The following USO1 variants were observed in gnomAD, a reference collection of about 807,000 sequenced individuals.
USO1 encodes the protein general vesicular transport factor p115.
In USO1, 57 loss-of-function variants were observed where a neutral mutation model predicts 124.5. That is an observed-to-expected ratio of 0.46 (90% CI 0.37 to 0.57). The LOEUF (loss-of-function observed/expected upper bound fraction) is 0.57, where lower values mean the gene tolerates loss of function less well. Ranked by LOEUF, USO1 falls within the 20% of genes least tolerant of loss-of-function variation. The pLI is 0.00. For synonymous variants in USO1, 369 were observed against 362.8 expected (o/e 1.02, Z -0.19); for missense variants, 900 against 1,040.6 (o/e 0.86, Z 1.86).
rs1722956261 is a variant in USO1, at chr4:75,805,138, AG to A, written c.2126del. 6.4e-7 allele frequency: 1 copy of A among 1,569,136 alleles called. No individual in the cohort carries two copies. On this transcript the variant is annotated splice_acceptor_variant, in intron 18 of 23. Coordinates refer to ENST00000514213, the MANE Select transcript of USO1 (RefSeq NM_003715.4). LOFTEE classifies it high-confidence loss of function. ...TTTTAAAATGTTATGTCTGTCTAAC[AG>A]GAAAAGACAATCAGCATCAAGGTTC...
chr4:75,762,738 C>T (rs1721654002), intron 4 of USO1, among the ~76,000 whole-genome samples: 1 of 151,860 alleles, frequency 6.6e-6, no homozygotes, highest in Admixed American at 6.6e-5. Context: ...ACCATCCTGG[C>T]TAACATGGTG....
intron 1 of USO1, among the ~76,000 whole-genome samples, chr4:75,729,705 A>G (rs1720574866): frequency 1.3e-5 from 2 of 152,146 alleles, no homozygotes; most frequent in Admixed American, 6.5e-5. Flanking sequence ...ACTACATTTG[A>G]TGATGAATCA....
Position 75,780,058 on chromosome 4 carries a change from G to A in USO1, c.677-2622G>A, listed in dbSNP as rs115561550. On this transcript the variant is annotated intron_variant, in intron 8 of 23. Transcript: ENST00000514213. ...CTACTCTGTCTGCCCTCTATAAATG[G>A]ACAACAAAGCCTGGAAGACAGCACA... Among the ~76,000 whole-genome samples the A allele has an allele frequency of 1.4e-3, 211 of 152,126 alleles. 1 individual carries two copies. The highest frequency in any genetic ancestry group is 4.9e-3 in the African/African-American group (205 of 41,510).
chr4:75,763,676 A>G (rs1253754386), intron 4 of USO1, among the ~76,000 whole-genome samples: 1 of 151,810 alleles, frequency 6.6e-6, no homozygotes. Flanking sequence ...TATTTTTTTC[A>G]TTTACCTTAC....
chr4:75,809,015 A>G lies in USO1; in HGVS notation c.2439A>G (p.Thr813=), dbSNP rs765470935. The G allele has an allele frequency of 4.2e-5, 68 of 1,604,498 alleles. No individual in the cohort carries two copies. The highest frequency in any genetic ancestry group is 1.4e-4 in the Admixed American group (8 of 58,618). The change falls in exon 21 of 24, where the codon ACA becomes ACG. Residue 813 remains threonine (T), a synonymous_variant. Coordinates refer to ENST00000514213, the MANE Select transcript of USO1 (RefSeq NM_003715.4). ...SQSVEITKLQ[T]EKQELLQKTE... is the part of the protein sequence containing the mutation. ...CTGTGGAGATCACCAAACTACAGAC[A>G]GAAAAGCAGGAACTGTTACAGAAAA...
chr4:75,811,592 T>C (rs1384465746), intron 22 of USO1, among the ~76,000 whole-genome samples: 1 of 152,234 alleles, frequency 6.6e-6, no homozygotes, highest in Non-Finnish European at 1.5e-5. Context: ...CAGCATATTA[T>C]TGTGTGACAG....
chr4:75,734,167 A>G (rs564504012), intron 1 of USO1, among the ~76,000 whole-genome samples: 6 of 152,140 alleles, frequency 3.9e-5, no homozygotes, highest in African/African-American at 1.4e-4. Flanking sequence ...GATGGTCTCG[A>G]TCTCCTGACC....
intron 22 of USO1, among the ~76,000 whole-genome samples, chr4:75,810,823 C>T (rs1167160592): frequency 6.6e-6 from 1 of 152,050 alleles, no homozygotes; most frequent in Admixed American, 6.6e-5. Context: ...CTCTGCCTCC[C>T]AGGTTCAAGC....
chr4:75,794,745 A>G (rs1196778891), intron 13 of USO1, among the ~76,000 whole-genome samples: 2 of 152,136 alleles, frequency 1.3e-5, no homozygotes, highest in African/African-American at 4.8e-5. Context: ...CACTCGTTGA[A>G]TTTTTCCTTA....
intron 21 of USO1, 104 bp from the exon 22 acceptor site, chr4:75,810,328 T>G (rs1723109490): frequency 7.9e-7 from 1 of 1,268,608 alleles, no homozygotes; most frequent in Admixed American, 3.1e-5. Context: ...TTTCTGTTAG[T>G]GAAAGTAAAA....
chr4:75,800,007 G>A (rs1347442232), intron 14 of USO1, among the ~76,000 whole-genome samples: 7 of 151,312 alleles, frequency 4.6e-5, no homozygotes, highest in East Asian at 3.9e-4. Flanking sequence ...GTAGTGGCGC[G>A]ATCTCGGCTC....
rs969806323 is a variant in USO1 at position 75,790,381 on chromosome 4, A to G, written c.1085+143A>G. 3.4e-5 allele frequency: 42 copies of G among 1,244,206 alleles called. No homozygotes were observed. The African/African-American group carries it at 5.0e-4, about 15-fold the overall frequency. The allele number at this position is 1,244,206 out of a possible 1,614,324, so 77.1% of individuals were successfully genotyped here. ...GAAATTATCTGACAAGATAAATGAT[A>G]TTGATATTTTAAAAGAGTTGGTAGT... On this transcript the variant is annotated intron_variant, in intron 11 of 23. Transcript: ENST00000514213.
chr4:75,807,291 G>GT (rs1723023874), intron 20 of USO1, among the ~76,000 whole-genome samples: 1 of 151,646 alleles, frequency 6.6e-6, no homozygotes, highest in East Asian at 1.9e-4. Context: ...TTCTGGGGTT[G>GT]TTTTTCTTTC....
At position 75,793,486 on chromosome 4, in the gene USO1, A is replaced by G. The variant is rs146801293; in HGVS notation, c.1241-204A>G. ...TGTTCTATTACTTTTCTTCCAAGAT[A>G]ACTTTCTCTCATTGTTCATTTTGCT... On this transcript the variant is annotated intron_variant, in intron 12 of 23. Coordinates refer to ENST00000514213, the MANE Select transcript of USO1 (RefSeq NM_003715.4). 4.4e-3 allele frequency among the ~76,000 whole-genome samples: 664 copies of G among 152,240 alleles called. 2 individuals are homozygous for G. The highest frequency in any genetic ancestry group is 6.8e-3 in the Middle Eastern group (2 of 294).
chr4:75,785,478 T>G (rs1318742511), intron 9 of USO1, among the ~76,000 whole-genome samples: 1 of 152,110 alleles, frequency 6.6e-6, no homozygotes, highest in Non-Finnish European at 1.5e-5. Flanking sequence ...CCTTATAAGA[T>G]AATCATTTTC....
chr4:75,759,873 C>T (rs1721553427), intron 4 of USO1, among the ~76,000 whole-genome samples: 1 of 148,940 alleles, frequency 6.7e-6, no homozygotes, highest in African/African-American at 2.5e-5. Context: ...TGTGCCACTG[C>T]ACTCTCCAGC....
intron 1 of USO1, among the ~76,000 whole-genome samples, chr4:75,742,423 T>C (rs899964305): frequency 2.0e-5 from 3 of 152,192 alleles, no homozygotes; most frequent in African/African-American, 7.2e-5. Context: ...ACGTAGGCCA[T>C]GCGTATTTTA....
intron 13 of USO1, among the ~76,000 whole-genome samples, chr4:75,797,379 T>C (rs1722715372): frequency 6.6e-6 from 1 of 151,960 alleles, no homozygotes; most frequent in Non-Finnish European, 1.5e-5. Context: ...TATGCTACTT[T>C]TTCATATATT....
chr4:75,767,717 C>G (rs889597479), intron 4 of USO1, among the ~76,000 whole-genome samples: 10 of 152,226 alleles, frequency 6.6e-5, no homozygotes, highest in African/African-American at 2.4e-4. Context: ...CTGTTCTCTT[C>G]TATTGATCTA....
Sources: gnomAD v4.1 joint callset for allele counts (sites outside exome capture counted in the v4.1 genomes callset) on GRCh38, gnomAD v4.1.1 for gene constraint, MANE v1.5 for transcripts, NCBI Gene and HGNC (gene_info 2026-07-23, HGNC 2026-07-21) for gene names.